Variants in BTBD9 observed in about 807,000 individuals in gnomAD.
The protein encoded by BTBD9 is BTB domain containing 9, also known as BTB/POZ domain-containing protein 9.
A neutral mutation model predicts 64.3 loss-of-function variants in BTBD9; 49 were observed. That is an observed-to-expected ratio of 0.76 (90% CI 0.61 to 0.97). BTBD9 has a LOEUF of 0.97. BTBD9 is among the 50% of genes least tolerant of loss of function. BTBD9 has a pLI of 0.00. For synonymous variants in BTBD9, 260 were observed against 274.7 expected (o/e 0.95, Z 0.53); for missense variants, 598 against 762.1 (o/e 0.78, Z 2.53).
chr6:38,267,538 G>A (rs182717130), intron 8 of BTBD9, among the ~76,000 whole-genome samples: 19 of 152,292 alleles, frequency 1.2e-4, no homozygotes, highest in Admixed American at 1.2e-3. Flanking sequence ...AGTCCATTCA[G>A]GAGAGCCCAC....
chr6:38,406,865 G>A (rs1329299419), intron 6 of BTBD9, among the ~76,000 whole-genome samples: 1 of 152,200 alleles, frequency 6.6e-6, no homozygotes, highest in Non-Finnish European at 1.5e-5. Flanking sequence ...AGCCTCCTGA[G>A]TAGCTGGGAC....
chr6:38,358,184 C>T (rs1321621466), intron 6 of BTBD9, among the ~76,000 whole-genome samples: 5 of 151,970 alleles, frequency 3.3e-5, no homozygotes, highest in Admixed American at 6.6e-5. Context: ...CTCCCCTTCC[C>T]GCTCTCTCCA....
intron 4 of BTBD9, among the ~76,000 whole-genome samples, chr6:38,586,906 T>C (rs1776557647): frequency 2.7e-5 from 4 of 150,832 alleles, no homozygotes; most frequent in East Asian, 2.0e-4. Flanking sequence ...CTACTAAATA[T>C]ACAAAAATTA....
intron 6 of BTBD9, among the ~76,000 whole-genome samples, chr6:38,458,376 C>T (rs1769916747): frequency 6.6e-6 from 1 of 152,106 alleles, no homozygotes; most frequent in South Asian, 2.1e-4. Flanking sequence ...TTCCTAAAAA[C>T]GCAAAAGGAC....
At chr6:38,334,312 G>A (rs551366808) in intron 7 of BTBD9, among the ~76,000 whole-genome samples, 5 of 152,162 alleles carry the variant, frequency 3.3e-5, no homozygotes, top group South Asian at 2.1e-4. Context: ...CTGTAATCCC[G>A]GCACTTTGGG....
At chr6:38,202,190 T>C (rs1762490097) in intron 9 of BTBD9, among the ~76,000 whole-genome samples, 1 of 150,518 alleles carries the variant, frequency 6.6e-6, no homozygotes, top group African/African-American at 2.4e-5. Flanking sequence ...GCTCAAGCGA[T>C]TCTCCTGCCT....
intron 9 of BTBD9, among the ~76,000 whole-genome samples, chr6:38,234,350 C>T (rs984421723): frequency 1.3e-5 from 2 of 152,234 alleles, no homozygotes; most frequent in Non-Finnish European, 2.9e-5. Context: ...TATCACCCTG[C>T]AGCTGCTTGG....
chr6:38,273,280 G>A (rs766896484), intron 8 of BTBD9, among the ~76,000 whole-genome samples: 1 of 152,140 alleles, frequency 6.6e-6, no homozygotes. Flanking sequence ...CATGTGGGGT[G>A]CATTCCAAGA....
chr6:38,274,175 CTGTT>C (rs1181850880), intron 8 of BTBD9, among the ~76,000 whole-genome samples: 6 of 152,172 alleles, frequency 3.9e-5, no homozygotes, highest in Non-Finnish European at 5.9e-5. Flanking sequence ...ATTTGGCTCT[CTGTT>C]TGTCTGTTAT....
intron 7 of BTBD9, among the ~76,000 whole-genome samples, chr6:38,323,164 T>C (rs1763300607): frequency 6.6e-6 from 1 of 152,230 alleles, no homozygotes; most frequent in Admixed American, 6.5e-5. Flanking sequence ...AATAACATTA[T>C]GTATCTACTC....
chr6:38,403,675 G>A (rs1217700045), intron 6 of BTBD9, among the ~76,000 whole-genome samples: 1 of 152,126 alleles, frequency 6.6e-6, no homozygotes, highest in Non-Finnish European at 1.5e-5. Context: ...CTGGCAGATC[G>A]TCAAAAAGTT....
At chr6:38,182,184 C>T (rs913412728) in intron 10 of BTBD9, among the ~76,000 whole-genome samples, 9 of 152,020 alleles carry the variant, frequency 5.9e-5, no homozygotes, top group African/African-American at 2.2e-4. Context: ...AAAAACTTTA[C>T]AATATCATTT....
At chr6:38,428,460 C>T (rs748546915) in intron 6 of BTBD9, among the ~76,000 whole-genome samples, 3 of 150,688 alleles carry the variant, frequency 2.0e-5, no homozygotes, top group South Asian at 2.1e-4. Context: ...GGCATGATCG[C>T]GGCTCACTGC....
At chr6:38,340,668 C>A (rs913082510) in intron 7 of BTBD9, among the ~76,000 whole-genome samples, 1 of 152,066 alleles carries the variant, frequency 6.6e-6, no homozygotes, top group East Asian at 1.9e-4. Context: ...TTTTCCTGAG[C>A]GAATTGTATC....
chr6:38,580,532 G>A, intron 4 of BTBD9, 95 bp from the exon 5 acceptor site: 2 of 1,038,592 alleles, frequency 1.9e-6, no homozygotes, highest in Non-Finnish European at 2.9e-6. Context: ...GTTTATTCTA[G>A]TATCTGCATT....
chr6:38,428,700 G>T (rs942799753), intron 6 of BTBD9, among the ~76,000 whole-genome samples: 3 of 150,012 alleles, frequency 2.0e-5, no homozygotes, highest in African/African-American at 7.4e-5. Flanking sequence ...GCATTGGAAT[G>T]ATTTTTCGTT....
chr6:38,629,099 T>C (rs1778275056), intron 1 of BTBD9, among the ~76,000 whole-genome samples: 1 of 151,262 alleles, frequency 6.6e-6, no homozygotes, highest in Non-Finnish European at 1.5e-5. Flanking sequence ...ATCCATGAGA[T>C]CACTGAGATA....
chr6:38,589,046 A>C (rs1032234537), intron 4 of BTBD9, among the ~76,000 whole-genome samples: 3 of 152,234 alleles, frequency 2.0e-5, no homozygotes, highest in African/African-American at 7.2e-5. Context: ...AAAAGTCAGG[A>C]AAAACAGACT....
At chr6:38,322,897 A>G (rs1392114733) in intron 7 of BTBD9, among the ~76,000 whole-genome samples, 3 of 152,212 alleles carry the variant, frequency 2.0e-5, no homozygotes, top group Non-Finnish European at 4.4e-5. Context: ...TTACTGTCTG[A>G]TAAATAATCT....
Sources: allele counts gnomAD v4.1 joint callset (sites outside exome capture counted in the v4.1 genomes callset), GRCh38; gene constraint gnomAD v4.1.1; transcripts MANE v1.5; gene names NCBI Gene and HGNC (gene_info 2026-07-23, HGNC 2026-07-21).